Variants in PTPRG observed in about 807,000 individuals in gnomAD.
The protein encoded by PTPRG is protein tyrosine phosphatase receptor type G, also known as receptor-type tyrosine-protein phosphatase gamma.
In PTPRG, 102 loss-of-function variants were observed where a neutral mutation model predicts 165.3. The observed-to-expected ratio is 0.62, with a 90% CI of 0.53 to 0.73. PTPRG has a LOEUF of 0.73. Ranked by LOEUF, PTPRG falls within the 30% of genes least tolerant of loss-of-function variation. PTPRG has a pLI of 0.00. For missense variants in PTPRG, 1,866 were observed against 1,861.4 expected (o/e 1.00, Z -0.05); for synonymous variants, 675 against 669.5 (o/e 1.01, Z -0.13).
intron 4 of PTPRG, among the ~76,000 whole-genome samples, chr3:62,039,455 A>G (rs1213850155): frequency 6.6e-6 from 1 of 152,170 alleles, no homozygotes; most frequent in African/African-American, 2.4e-5. Flanking sequence ...TGGAAACAAG[A>G]TGAGTAATTA....
chr3:62,189,773 T>A (rs1473605233), intron 8 of PTPRG, among the ~76,000 whole-genome samples: 1 of 152,112 alleles, frequency 6.6e-6, no homozygotes, highest in Non-Finnish European at 1.5e-5. Flanking sequence ...CCAACCTGAT[T>A]GCATCACTCT....
intron 1 of PTPRG, among the ~76,000 whole-genome samples, chr3:61,663,839 A>G (rs1203446414): frequency 3.3e-5 from 5 of 152,046 alleles, no homozygotes; most frequent in South Asian, 2.1e-4. Flanking sequence ...TGAGAATCTA[A>G]TGCTACCACT....
At chr3:61,929,357 T>C (rs2039304000) in intron 2 of PTPRG, among the ~76,000 whole-genome samples, 1 of 152,200 alleles carries the variant, frequency 6.6e-6, no homozygotes, top group Non-Finnish European at 1.5e-5. Context: ...AAAAATACTT[T>C]TGCTTTTTAC....
chr3:62,002,543 T>C (rs932198156), intron 3 of PTPRG, among the ~76,000 whole-genome samples: 76 of 152,358 alleles, frequency 5.0e-4, no homozygotes, highest in African/African-American at 1.8e-3. Flanking sequence ...TTTGTCAGTG[T>C]AAATCCAAGT....
chr3:61,842,612 C>A (rs1199150494), intron 2 of PTPRG, among the ~76,000 whole-genome samples: 1 of 148,934 alleles, frequency 6.7e-6, no homozygotes, highest in African/African-American at 2.5e-5. Flanking sequence ...TACAACACAA[C>A]TTGTTTCCTT....
At chr3:61,592,014 C>A (rs1700581544) in intron 1 of PTPRG, among the ~76,000 whole-genome samples, 1 of 150,920 alleles carries the variant, frequency 6.6e-6, no homozygotes, top group African/African-American at 2.4e-5. Flanking sequence ...ACTCTTGTTG[C>A]CCAGGCTGGA....
intron 4 of PTPRG, among the ~76,000 whole-genome samples, chr3:62,069,710 A>T (rs1004898590): frequency 6.6e-6 from 1 of 151,628 alleles, no homozygotes; most frequent in African/African-American, 2.4e-5. Flanking sequence ...GCACACACAC[A>T]CACACATGCA....
At chr3:61,569,958 C>T (rs1030030222) in intron 1 of PTPRG, among the ~76,000 whole-genome samples, 2 of 152,208 alleles carry the variant, frequency 1.3e-5, no homozygotes, top group Admixed American at 1.3e-4. Flanking sequence ...AAATGTGTCT[C>T]ATAAGTCTTC....
rs557737656 is a variant in PTPRG at position 61,710,356 on chromosome 3, C to CA, written c.86-38522_86-38521insA. On this transcript the variant is annotated intron_variant, in intron 1 of 29. Transcript: ENST00000474889. Reference sequence around the variant, plus strand: ...ACTATGTGCCAGGCTTTGTGCTAGACCCCTTTCCATGTCGAATCCCATGTA... The same window carrying CA: ...ACTATGTGCCAGGCTTTGTGCTAGACACCCTTTCCATGTCGAATCCCATGTA... 5.3e-5 allele frequency among the ~76,000 whole-genome samples: 8 copies of CA among 152,224 alleles called. No individual in the cohort carries two copies. The South Asian group carries it at 1.7e-3, about 32-fold the overall frequency.
At chr3:62,074,415 G>C (rs1305776489) in intron 4 of PTPRG, among the ~76,000 whole-genome samples, 1 of 142,164 alleles carries the variant, frequency 7.0e-6, no homozygotes, top group Non-Finnish European at 1.5e-5. Flanking sequence ...GAGTGCAGTG[G>C]AGCCCTCAGT....
chr3:61,597,110 A>G (rs756171212), intron 1 of PTPRG, among the ~76,000 whole-genome samples: 1 of 152,146 alleles, frequency 6.6e-6, no homozygotes, highest in Non-Finnish European at 1.5e-5. Flanking sequence ...TTTATAAGGA[A>G]CTTACTCTCC....
intron 2 of PTPRG, among the ~76,000 whole-genome samples, chr3:61,817,357 G>C (rs992779117): frequency 6.8e-5 from 10 of 146,502 alleles, no homozygotes; most frequent in African/African-American, 1.8e-4. Flanking sequence ...TATTTTGGGG[G>C]GAGTTGGTAA....
At chr3:61,621,047 A>ATGTGTG (rs201651526) in intron 1 of PTPRG, among the ~76,000 whole-genome samples, 4,924 of 97,104 alleles carry the variant, frequency 0.051, 161 homozygotes, top group Non-Finnish European at 0.072. Context: ...ATATATATAT[A>ATGTGTG]TATATGTGTG....
At position 62,234,941 on chromosome 3, in the gene PTPRG, C is replaced by A. The variant is rs192048817; in HGVS notation, c.2375+3630C>A. 5.9e-5 allele frequency among the ~76,000 whole-genome samples: 9 copies of A among 151,346 alleles called. No individual in the cohort carries two copies. The East Asian group carries it at 1.4e-3, about 23-fold the overall frequency. ...GTGTGATGTCTGAATCTACTTCCCC[C>A]CCCCGAGATGGTCTCAAGTATTTTA... is the stretch of plus-strand genomic sequence containing the variant. On this transcript the variant is annotated intron_variant, in intron 14 of 29. Coordinates refer to ENST00000474889, the MANE Select transcript of PTPRG (RefSeq NM_002841.4).
At chr3:61,697,128 ACT>A (rs1209828646) in intron 1 of PTPRG, among the ~76,000 whole-genome samples, 1 of 152,002 alleles carries the variant, frequency 6.6e-6, no homozygotes, top group Admixed American at 6.6e-5. Context: ...TAGGAGGGCC[ACT>A]CTCTGGCTTT....
At chr3:62,024,144 A>G (rs2041757653) in intron 4 of PTPRG, among the ~76,000 whole-genome samples, 1 of 152,140 alleles carries the variant, frequency 6.6e-6, no homozygotes, top group South Asian at 2.1e-4. Flanking sequence ...ACACTACATG[A>G]TGTTTTGATA....
chr3:61,770,355 T>C (rs960036464), intron 2 of PTPRG: 1 of 152,216 alleles, frequency 6.6e-6, no homozygotes, highest in Non-Finnish European at 1.5e-5. Context: ...CTTCATGTTA[T>C]ATTTCCTCAC....
Position 62,174,485 on chromosome 3 carries a change from A to G in PTPRG, c.1033+6322A>G, listed in dbSNP as rs1705339594. ...GATCTCTTTTTTAGCTATGTTTTCA[A>G]TTCTAAACATTGCTTCCTGTTTTGG... On this transcript the variant is annotated intron_variant, in intron 8 of 29. Coordinates refer to ENST00000474889, the MANE Select transcript of PTPRG (RefSeq NM_002841.4). Among the ~76,000 whole-genome samples, 7 of 152,158 alleles carry G rather than the reference A, an allele frequency of 4.6e-5. No individual in the cohort carries two copies. The South Asian group carries it at 1.2e-3, about 27-fold the overall frequency.
chr3:62,230,718 G>GA (rs1203472194), intron 13 of PTPRG, among the ~76,000 whole-genome samples: 1 of 152,172 alleles, frequency 6.6e-6, no homozygotes, highest in Admixed American at 6.5e-5. Flanking sequence ...TGTGAATTAA[G>GA]AAAATGTTTG....
Sources: allele counts gnomAD v4.1 joint callset (sites outside exome capture counted in the v4.1 genomes callset), GRCh38; gene constraint gnomAD v4.1.1; transcripts MANE v1.5; gene names NCBI Gene and HGNC (gene_info 2026-07-23, HGNC 2026-07-21).